ZDHHC17: variants seen among roughly 807,000 people sequenced by gnomAD.
ZDHHC17 encodes zDHHC palmitoyltransferase 17, also known as palmitoyltransferase ZDHHC17.
In ZDHHC17, 40 loss-of-function variants were observed where a neutral mutation model predicts 90.3. The ratio of observed to expected loss-of-function variants is 0.44; its 90% confidence interval spans 0.34 to 0.58. ZDHHC17 has a LOEUF of 0.58. Among genes scored for constraint, ZDHHC17 ranks in the 20% least tolerant of loss-of-function variants. The probability of loss-of-function intolerance (pLI) is 0.01; values close to 1 mark genes in which losing one functional copy is unlikely to be tolerated. For missense variants in ZDHHC17, 614 were observed against 780.8 expected, an observed-to-expected ratio of 0.79 and a Z score of 2.55; for synonymous variants, 235 against 252.4, an observed-to-expected ratio of 0.93 and a Z score of 0.65.
intron 1 of ZDHHC17, among the ~76,000 whole-genome samples, chr12:76,787,962 A>G (rs1301300940): frequency 6.6e-6 from 1 of 152,116 alleles, no homozygotes; most frequent in Non-Finnish European, 1.5e-5. Context: ...TGTACTACCA[A>G]CTACTCAGGA....
At chr12:76,791,751 A>C (rs1952762229) in intron 1 of ZDHHC17, among the ~76,000 whole-genome samples, 1 of 152,170 alleles carries the variant, frequency 6.6e-6, no homozygotes, top group South Asian at 2.1e-4. Context: ...GCCAGTCACA[A>C]ATCAGGCCTC....
intron 10 of ZDHHC17, among the ~76,000 whole-genome samples, chr12:76,832,303 G>C (rs970764197): frequency 2.0e-5 from 3 of 152,148 alleles, no homozygotes; most frequent in Admixed American, 6.6e-5. Flanking sequence ...ATGACCTCAG[G>C]CTCCTTTCTG....
chr12:76,809,184 T>A (rs928111924), intron 4 of ZDHHC17, 64 bp downstream of exon 4: 18 of 1,153,622 alleles, frequency 1.6e-5, no homozygotes, highest in Non-Finnish European at 2.1e-5. Context: ...TAAACAACTT[T>A]AAAAAAATGA....
intron 10 of ZDHHC17, among the ~76,000 whole-genome samples, chr12:76,836,370 A>T (rs1472777305): frequency 1.3e-5 from 2 of 151,510 alleles, no homozygotes; most frequent in Admixed American, 1.3e-4. Flanking sequence ...TGATTTGTCC[A>T]TTTCTTTTCT....
intron 1 of ZDHHC17, among the ~76,000 whole-genome samples, chr12:76,785,450 C>A (rs964014471): frequency 5.3e-5 from 8 of 152,124 alleles, no homozygotes; most frequent in Non-Finnish European, 1.0e-4. Flanking sequence ...ATTTAATAGT[C>A]TGTTAAATCC....
intron 3 of ZDHHC17, 64 bp from the exon 4 acceptor site, chr12:76,808,979 T>G: frequency 9.0e-7 from 1 of 1,108,444 alleles, no homozygotes; most frequent in Non-Finnish European, 1.2e-6. Context: ...TTACATATTT[T>G]TCACAAAATT....
intron 1 of ZDHHC17, chr12:76,781,490 A>G: frequency 7.8e-6 from 3 of 384,444 alleles, no homozygotes; most frequent in Non-Finnish European, 1.6e-5. Flanking sequence ...CTCTGCCTTC[A>G]TGAATGGATT....
chr12:76,794,455 G>A (rs1339133688), intron 1 of ZDHHC17, among the ~76,000 whole-genome samples: 1 of 152,102 alleles, frequency 6.6e-6, no homozygotes, highest in African/African-American at 2.4e-5. Flanking sequence ...TTAAAAGTGA[G>A]AAATAAAGTT....
chr12:76,810,673 A>G (rs903283485), intron 5 of ZDHHC17, among the ~76,000 whole-genome samples: 1 of 151,154 alleles, frequency 6.6e-6, no homozygotes, highest in East Asian at 2.0e-4. Flanking sequence ...TTAGGAAAAG[A>G]GGCATAGACT....
At chr12:76,809,240 C>A (rs900633767) in intron 4 of ZDHHC17, 120 bp downstream of exon 4, 19 of 569,692 alleles carry the variant, frequency 3.3e-5, no homozygotes, top group African/African-American at 3.1e-4. Context: ...TAGTTAATAT[C>A]ATAAATATGC....
intron 10 of ZDHHC17, among the ~76,000 whole-genome samples, chr12:76,834,080 C>T (rs1389435120): frequency 1.3e-5 from 2 of 152,066 alleles, no homozygotes; most frequent in African/African-American, 4.8e-5. Context: ...ATTATATTTA[C>T]AGAATGAAGT....
At position 76,851,595 on chromosome 12, in the gene ZDHHC17, A is replaced by G. The variant is rs1953568840; in HGVS notation, c.*610A>G. ...GTTTCTATCAGCTGTTGCAATGCTGATATATTTCTAGTTCAGTGAAATAAT... is the reference window on the plus strand; with the variant it reads ...GTTTCTATCAGCTGTTGCAATGCTGGTATATTTCTAGTTCAGTGAAATAAT... On this transcript the variant is annotated 3_prime_UTR_variant, in exon 17 of 17. Transcript: ENST00000426126. 1 of 152,770 alleles carries G rather than the reference A, an allele frequency of 6.5e-6. No homozygotes were observed. Among genetic ancestry groups the G allele is most frequent in the Non-Finnish European group, 1.5e-5 (1 of 68,118 alleles). The allele number at this position is 152,770 out of a possible 1,614,324, so 9.5% of individuals were successfully genotyped here.
rs540133382 is a variant in ZDHHC17 at position 76,813,076 on chromosome 12, AT to A, written c.544-2063del. Among the ~76,000 whole-genome samples, 19 of 152,166 alleles carry A rather than the reference AT, an allele frequency of 1.2e-4. No homozygotes were observed. In the East Asian group the frequency reaches 1.9e-3, roughly 15 times the overall value. On this transcript the variant is annotated intron_variant, in intron 5 of 16. Transcript: ENST00000426126. Reference sequence around the variant, plus strand: ...CTCTAGAGATGTGCCATGATTTTACATTTTTTTATTTATTGATATTTTTAAT... The same window carrying A: ...CTCTAGAGATGTGCCATGATTTTACATTTTTTATTTATTGATATTTTTAAT...
chr12:76,844,602 T>G (rs189470992), intron 12 of ZDHHC17: 1 of 152,252 alleles, frequency 6.6e-6, no homozygotes, highest in Admixed American at 6.5e-5. Context: ...GAAGTGGGGA[T>G]AGAAGTTGTT....
At chr12:76,796,296 CAG>C (rs1463120006) in intron 1 of ZDHHC17, among the ~76,000 whole-genome samples, 2 of 151,990 alleles carry the variant, frequency 1.3e-5, no homozygotes, top group Non-Finnish European at 2.9e-5. Flanking sequence ...TCAAAAATAT[CAG>C]AAACACAGCA....
In ZDHHC17 at chr12:76,850,828, T is replaced by G; in HGVS notation, c.1761-19T>G. 6 of 1,609,956 alleles carry G rather than the reference T, an allele frequency of 3.7e-6. No homozygotes were observed. The highest frequency in any genetic ancestry group is 5.1e-6 in the Non-Finnish European group (6 of 1,178,474). On this transcript the variant is annotated intron_variant, in intron 16 of 16. Transcript: ENST00000426126. Reference sequence around the variant, plus strand: ...TTTGTACTGACTGACGTGTTTTCTTTTTGGGGTGCTGTTTTTAGCCATGGA... The same window carrying G: ...TTTGTACTGACTGACGTGTTTTCTTGTTGGGGTGCTGTTTTTAGCCATGGA...
intron 2 of ZDHHC17, among the ~76,000 whole-genome samples, chr12:76,804,104 C>G (rs1952926017): frequency 6.6e-6 from 1 of 152,142 alleles, no homozygotes; most frequent in South Asian, 2.1e-4. Context: ...GCAGAGAATG[C>G]TGGAATTGAT....
At chr12:76,850,495 G>A (rs529795284) in intron 16 of ZDHHC17, among the ~76,000 whole-genome samples, 1 of 152,152 alleles carries the variant, frequency 6.6e-6, no homozygotes, top group Non-Finnish European at 1.5e-5. Context: ...GAGGTGAGAG[G>A]ATTGCTTGAG....
chr12:76,766,292 T>G (rs1952430859), intron 1 of ZDHHC17, among the ~76,000 whole-genome samples: 2 of 152,216 alleles, frequency 1.3e-5, no homozygotes, highest in Non-Finnish European at 2.9e-5. Context: ...TTTAATACTT[T>G]GGATGGACCT....
Sources: allele counts gnomAD v4.1 joint callset (sites outside exome capture counted in the v4.1 genomes callset), GRCh38; gene constraint gnomAD v4.1.1; transcripts MANE v1.5; gene names NCBI Gene and HGNC (gene_info 2026-07-23, HGNC 2026-07-21).